The following SHISA9 variants were observed in gnomAD, a reference collection of about 807,000 sequenced individuals.
SHISA9 encodes the protein shisa family member 9, also known as protein shisa-9.
In SHISA9, 13 loss-of-function variants were observed where a neutral mutation model predicts 38.0. That is an observed-to-expected ratio of 0.34 (90% CI 0.22 to 0.54). The LOEUF (loss-of-function observed/expected upper bound fraction) is 0.54, where lower values mean the gene tolerates loss of function less well. SHISA9 is among the 20% of genes least tolerant of loss of function. The pLI is 0.91. For synonymous variants in SHISA9, 275 were observed against 242.0 expected (o/e 1.14, Z -1.27); for missense variants, 538 against 575.8 (o/e 0.93, Z 0.67).
chr16:13,142,454 A>T lies in SHISA9; in HGVS notation c.692-60940A>T, dbSNP rs74012286. ...TGGCTAGATGCAGGTAATCAGAGCT[A>T]ATTTATTGTACGCTTCTGTGGCCAG... On this transcript the variant is annotated intron_variant, in intron 2 of 4. Coordinates refer to ENST00000558583, the MANE Select transcript of SHISA9 (RefSeq NM_001145204.3). Among the ~76,000 whole-genome samples, 511 of 152,244 alleles carry T rather than the reference A, an allele frequency of 3.4e-3. 5 individuals carry two copies. Among genetic ancestry groups the T allele is most frequent in the African/African-American group, 0.012 (488 of 41,538 alleles).
chr16:13,214,244 G>C (rs1596738190), intron 4 of SHISA9, among the ~76,000 whole-genome samples: 1 of 152,246 alleles, frequency 6.6e-6, no homozygotes, highest in East Asian at 1.9e-4. Context: ...TGTCACTCAG[G>C]CTAAAGTGCC....
intron 2 of SHISA9, among the ~76,000 whole-genome samples, chr16:13,091,587 G>A (rs142522999): frequency 0.023 from 3,568 of 152,038 alleles, 78 homozygotes; most frequent in East Asian, 0.096. Context: ...CCACTTGATC[G>A]AATCAGCTAC....
At chr16:12,959,097 A>G (rs1010935833) in intron 2 of SHISA9, among the ~76,000 whole-genome samples, 3 of 152,206 alleles carry the variant, frequency 2.0e-5, no homozygotes, top group Non-Finnish European at 4.4e-5. Flanking sequence ...AGGATTTTCC[A>G]TAGAGGAGTG....
chr16:13,355,605 G>A, the SHISA9 span, among the ~76,000 whole-genome samples: 7 of 152,248 alleles, frequency 4.6e-5, no homozygotes, highest in African/African-American at 1.4e-4. Context: ...GTCTAAGTTG[G>A]CACCAGAGTT....
chr16:13,055,632 C>T (rs2141904024), intron 2 of SHISA9, among the ~76,000 whole-genome samples: 1 of 152,258 alleles, frequency 6.6e-6, no homozygotes, highest in Non-Finnish European at 1.5e-5. Context: ...CTCTGAATTA[C>T]AAGAGCTGAG....
the SHISA9 span, among the ~76,000 whole-genome samples, chr16:13,456,145 A>G: frequency 6.6e-6 from 1 of 152,228 alleles, no homozygotes; most frequent in Non-Finnish European, 1.5e-5. Context: ...AAATCTGGCT[A>G]GTGACTCCTC....
At chr16:13,044,775 G>A (rs539620619) in intron 2 of SHISA9, among the ~76,000 whole-genome samples, 11 of 152,182 alleles carry the variant, frequency 7.2e-5, no homozygotes, top group Non-Finnish European at 1.6e-4. Context: ...TGCCACACTG[G>A]TAGTTCTGAA....
At chr16:13,306,864 T>C in the SHISA9 span, among the ~76,000 whole-genome samples, 9 of 152,204 alleles carry the variant, frequency 5.9e-5, no homozygotes, top group African/African-American at 2.2e-4. Flanking sequence ...CACACACCCA[T>C]ACACGTATGT....
At chr16:13,180,344 G>A (rs1462886314) in intron 2 of SHISA9, among the ~76,000 whole-genome samples, 1 of 152,216 alleles carries the variant, frequency 6.6e-6, no homozygotes, top group African/African-American at 2.4e-5. Flanking sequence ...GACCAGGGGT[G>A]CAGGACACCT....
the SHISA9 span, among the ~76,000 whole-genome samples, chr16:13,448,395 C>T: frequency 6.6e-6 from 1 of 152,186 alleles, no homozygotes; most frequent in Non-Finnish European, 1.5e-5. Context: ...TTAGCTGTGC[C>T]CTACGCTATA....
chr16:13,271,441 GTTA>G, the SHISA9 span, among the ~76,000 whole-genome samples: 1 of 152,110 alleles, frequency 6.6e-6, no homozygotes, highest in Admixed American at 6.6e-5. Context: ...TCAGCTTAAG[GTTA>G]TTATGACCAG....
At chr16:13,560,513 A>T in the SHISA9 span, among the ~76,000 whole-genome samples, 1 of 152,234 alleles carries the variant, frequency 6.6e-6, no homozygotes. Flanking sequence ...ATATAGACGT[A>T]TGAGGCCAGA....
At chr16:13,108,881 T>C (rs2141964619) in intron 2 of SHISA9, among the ~76,000 whole-genome samples, 1 of 152,308 alleles carries the variant, frequency 6.6e-6, no homozygotes, top group Middle Eastern at 3.4e-3. Context: ...TCAATGTTTC[T>C]CCTAAAGTGT....
chr16:13,426,216 C>A, the SHISA9 span, among the ~76,000 whole-genome samples: 14 of 152,158 alleles, frequency 9.2e-5, no homozygotes, highest in Non-Finnish European at 1.9e-4. Flanking sequence ...ACGTCAGGAT[C>A]CTTGCGAAGT....
the SHISA9 span, among the ~76,000 whole-genome samples, chr16:13,286,988 A>T: frequency 4.6e-5 from 7 of 152,122 alleles, no homozygotes; most frequent in East Asian, 1.4e-3. Context: ...ATTTTTGTTA[A>T]TTTTTTTTAA....
chr16:12,937,857 T>C (rs974540893), intron 2 of SHISA9, among the ~76,000 whole-genome samples: 1 of 151,352 alleles, frequency 6.6e-6, no homozygotes, highest in Non-Finnish European at 1.5e-5. Context: ...CAGTGGATAC[T>C]GGAGACTTTT....
At chr16:13,541,788 T>A in the SHISA9 span, among the ~76,000 whole-genome samples, 2 of 152,096 alleles carry the variant, frequency 1.3e-5, no homozygotes, top group Non-Finnish European at 2.9e-5. Flanking sequence ...TGGGAACTCA[T>A]CCATGTGAGC....
At chr16:13,529,239 A>G in the SHISA9 span, among the ~76,000 whole-genome samples, 1 of 152,228 alleles carries the variant, frequency 6.6e-6, no homozygotes, top group Non-Finnish European at 1.5e-5. Flanking sequence ...ATGCCAGGCA[A>G]AAGTTAACTC....
At chr16:13,049,153 AGTATGTGTGTGTGTGTGTGT>A (rs1202735998) in intron 2 of SHISA9, among the ~76,000 whole-genome samples, 1 of 138,406 alleles carries the variant, frequency 7.2e-6, no homozygotes, top group Non-Finnish European at 1.6e-5. Flanking sequence ...TTTGGTTAGG[AGTATGTGTGTGTGTGTGTGT>A]GTGTGTGTGT....
Sources: allele counts gnomAD v4.1 joint callset (sites outside exome capture counted in the v4.1 genomes callset), GRCh38; gene constraint gnomAD v4.1.1; transcripts MANE v1.5; gene names NCBI Gene and HGNC (gene_info 2026-07-23, HGNC 2026-07-21).